The following RCC1 variants were observed in gnomAD, a reference collection of about 807,000 sequenced individuals.
The protein encoded by RCC1 is regulator of chromosome condensation 1, also known as regulator of chromosome condensation.
RCC1 carries 11 observed loss-of-function variants against 44.4 expected under a neutral mutation model. That is an observed-to-expected ratio of 0.25 (90% CI 0.16 to 0.41). The LOEUF (loss-of-function observed/expected upper bound fraction) is 0.41, where lower values mean the gene tolerates loss of function less well. Among genes scored for constraint, RCC1 ranks in the 10% least tolerant of loss-of-function variants. RCC1 has a pLI of 1.00. For missense variants in RCC1, 386 were observed against 547.1 expected, an observed-to-expected ratio of 0.71 and a Z score of 2.94; for synonymous variants, 213 against 216.5, an observed-to-expected ratio of 0.98 and a Z score of 0.14.
intron 4 of RCC1, 142 bp downstream of exon 4, chr1:28,517,009 TATTTGGGAG>T (rs2124619959): frequency 5.2e-6 from 2 of 384,848 alleles, no homozygotes; most frequent in Non-Finnish European, 1.0e-5. Flanking sequence ...TAATCCCAGC[TATTTGGGAG>T]GCTGAGGCAG....
At chr1:28,531,690 C>A in intron 5 of RCC1, 113 bp from the exon 6 acceptor site, 2 of 787,046 alleles carry the variant, frequency 2.5e-6, no homozygotes, top group Non-Finnish European at 3.7e-6. Flanking sequence ...TTCATACTAA[C>A]AGTCTGTGGC....
At chr1:28,527,236 G>A in intron 4 of RCC1, 1 of 755,328 alleles carries the variant, frequency 1.3e-6, no homozygotes, top group South Asian at 1.5e-5. Context: ...GATCTTCAGT[G>A]CATGTGTGTT....
At position 28,536,659 on chromosome 1, in the gene RCC1, C is replaced by T; in HGVS notation, c.938-88C>T. 1 of 1,480,590 alleles carries T rather than the reference C, an allele frequency of 6.8e-7. No homozygotes were observed. The highest frequency in any genetic ancestry group is 2.3e-5 in the East Asian group (1 of 44,034). The allele number at this position is 1,480,590 out of a possible 1,614,324, so 91.7% of individuals were successfully genotyped here. A position where few individuals can be genotyped will look rare whatever the true frequency, so the allele number is the denominator to read the frequency against. Reference sequence around the variant, plus strand: ...CGCTCTGGGAGCAGGGACACACTCCCATGGACAGGTGGACTCACCTAGCCT... The same window carrying T: ...CGCTCTGGGAGCAGGGACACACTCCTATGGACAGGTGGACTCACCTAGCCT... On this transcript the variant is annotated intron_variant, in intron 11 of 12. Coordinates refer to ENST00000683442, the MANE Select transcript of RCC1 (RefSeq NM_001381865.2). This position sits in a 1 kb window ranked among gnomAD's most constrained non-coding sequence, Gnocchi z 4.9.
intron 1 of RCC1, chr1:28,507,767 A>G (rs1011691098): frequency 2.9e-6 from 1 of 340,176 alleles, no homozygotes; most frequent in East Asian, 7.7e-5. Flanking sequence ...CCACCACGCC[A>G]GGCTAATTTT....
Position 28,523,232 on chromosome 1 carries a change from C to T in RCC1, c.-10+6365C>T, listed in dbSNP as rs1190987792. On this transcript the variant is annotated intron_variant, in intron 4 of 12. Transcript: ENST00000683442. ...ATTTTTAGTAGAGACGGGGTTTCAC[C>T]GTGGTCTCGATCTCCTGACCTCATG... 2.6e-5 allele frequency among the ~76,000 whole-genome samples: 4 copies of T among 151,846 alleles called. No individual in the cohort carries two copies. The South Asian group carries it at 8.3e-4, about 32-fold the overall frequency.
At chr1:28,524,930 G>A (rs1362911068) in intron 4 of RCC1, among the ~76,000 whole-genome samples, 2 of 152,134 alleles carry the variant, frequency 1.3e-5, no homozygotes, top group African/African-American at 2.4e-5. Flanking sequence ...AAGCAGTAGT[G>A]TAGCAGGATA....
Position 28,538,067 on chromosome 1 carries a change from A to G in RCC1, c.*60A>G, listed in dbSNP as rs888261353. The G allele has an allele frequency of 7.2e-6, 11 of 1,528,358 alleles. No individual in the cohort carries two copies. Among genetic ancestry groups the G allele is most frequent in the Non-Finnish European group, 9.8e-6 (11 of 1,124,678 alleles). 94.7% of individuals were successfully genotyped at this position (1,528,358 alleles called of 1,614,324 possible). A position where few individuals can be genotyped will look rare whatever the true frequency, so the allele number is the denominator to read the frequency against. Reference sequence around the variant, plus strand: ...AACCTCCCTCACAGAACAGGGAAGCAGTGACAGCTGCAGATGGCAGCGGGC... The same window carrying G: ...AACCTCCCTCACAGAACAGGGAAGCGGTGACAGCTGCAGATGGCAGCGGGC... On this transcript the variant is annotated 3_prime_UTR_variant, in exon 13 of 13. Coordinates refer to ENST00000683442, the MANE Select transcript of RCC1 (RefSeq NM_001381865.2).
In RCC1 at chr1:28,536,883, T is replaced by C; in HGVS notation, c.1074T>C (p.Tyr358=). 6.2e-7 allele frequency: 1 copy of C among 1,613,976 alleles called. No homozygotes were observed. The highest frequency in any genetic ancestry group is 8.5e-7 in the Non-Finnish European group (1 of 1,179,994). ...TGGCTTGTGGGGCCTCTGTGGGGTA[T>C]GCTGTGACCAAGGATGGTGAGTGGG... is the stretch of plus-strand genomic sequence containing the variant. ...SSVACGASVG[Y]AVTKDGRVFA... Residue 358 remains tyrosine (Y), a synonymous_variant, in exon 12 of 13, where the codon TAT becomes TAC. Transcript: ENST00000683442. The surrounding 1 kb of genome is among the most constrained non-coding windows in gnomAD (Gnocchi z 4.9).
rs199555587 is a variant in RCC1 at position 28,508,914 on chromosome 1, A to AT, written c.-153+20dup. ...TATAGAAGGGAGAGTAGGTAAACTG[A>AT]TTTTTTTTTTTAACAGGGAGGGTTT... On this transcript the variant is annotated intron_variant, in intron 3 of 12. Transcript: ENST00000683442. 3,943 of 429,342 alleles carry AT rather than the reference A, an allele frequency of 9.2e-3. 11 individuals carry two copies. The highest frequency in any genetic ancestry group is 0.012 in the Admixed American group (508 of 42,822). 26.6% of individuals were successfully genotyped at this position (429,342 alleles called of 1,614,324 possible).
Position 28,536,651 on chromosome 1 carries a change from C to A in RCC1, c.938-96C>A. 1 of 1,426,132 alleles carries A rather than the reference C, an allele frequency of 7.0e-7. No individual in the cohort carries two copies. The highest frequency in any genetic ancestry group is 9.7e-7 in the Non-Finnish European group (1 of 1,034,724). The allele number at this position is 1,426,132 out of a possible 1,614,324, so 88.3% of individuals were successfully genotyped here. ...CTTCTGATCGCTCTGGGAGCAGGGACACACTCCCATGGACAGGTGGACTCA... is the reference window on the plus strand; with the variant it reads ...CTTCTGATCGCTCTGGGAGCAGGGAAACACTCCCATGGACAGGTGGACTCA... On this transcript the variant is annotated intron_variant, in intron 11 of 12. Coordinates refer to ENST00000683442, the MANE Select transcript of RCC1 (RefSeq NM_001381865.2). This position sits in a 1 kb window ranked among gnomAD's most constrained non-coding sequence, Gnocchi z 4.9.
chr1:28,507,682 C>T (rs1662119084), intron 1 of RCC1: 2 of 377,860 alleles, frequency 5.3e-6, no homozygotes, highest in East Asian at 7.1e-5. Context: ...TTGCCTCTGC[C>T]TCCCGGGTTC....
At position 28,538,886 on chromosome 1, in the gene RCC1, G is replaced by A. The variant is rs1204241663; in HGVS notation, c.*879G>A. On this transcript the variant is annotated 3_prime_UTR_variant, in exon 13 of 13. Transcript: ENST00000683442. ...GATGGAAACAGCAACTTGTACAGTG[G>A]CTGAGAAAATAGGATATAGTTTTGA... The A allele has an allele frequency of 1.3e-5, 2 of 152,222 alleles. No individual in the cohort carries two copies. The highest frequency in any genetic ancestry group is 2.4e-5 in the African/African-American group (1 of 41,450). 9.4% of individuals were successfully genotyped at this position (152,222 alleles called of 1,614,324 possible). A position where few individuals can be genotyped will look rare whatever the true frequency, so the allele number is the denominator to read the frequency against.
At position 28,532,173 on chromosome 1, in the gene RCC1, C is replaced by G. The variant is rs760456345; in HGVS notation, c.264C>G (p.Val88=). The change falls in exon 7 of 13, where the codon GTC becomes GTG. Residue 88 remains valine (V), a splice_region_variant and synonymous_variant. Transcript: ENST00000683442. ...HTVCLSKSGQ[V]YSFGCNDEGA... ...TAATGAGGGCATCCTGGGCACAGGT[C>G]TATTCCTTCGGCTGCAATGATGAGG... 1 of 1,612,714 alleles carries G rather than the reference C, an allele frequency of 6.2e-7. No individual in the cohort carries two copies. The highest frequency in any genetic ancestry group is 8.5e-7 in the Non-Finnish European group (1 of 1,179,366).
intron 7 of RCC1, among the ~76,000 whole-genome samples, chr1:28,532,944 T>C (rs1408116768): frequency 6.6e-6 from 1 of 152,012 alleles, no homozygotes; most frequent in Admixed American, 6.6e-5. Context: ...GCCTCCCAAG[T>C]AGCTGGGATT....
chr1:28,526,622 G>A (rs956400642), intron 4 of RCC1: 5 of 509,912 alleles, frequency 9.8e-6, no homozygotes, highest in East Asian at 6.7e-5. Flanking sequence ...AGGGCTGGGC[G>A]CGGTGGCTCA....
At chr1:28,506,167 C>T (rs1017031446) in intron 1 of RCC1, 83 bp downstream of exon 1, 11 of 448,154 alleles carry the variant, frequency 2.5e-5, no homozygotes, top group East Asian at 7.0e-5. Context: ...AGCCGAGCTT[C>T]CCTAGGAAGA....
At chr1:28,530,329 G>A (rs879790768) in intron 5 of RCC1, among the ~76,000 whole-genome samples, 6 of 152,218 alleles carry the variant, frequency 3.9e-5, no homozygotes, top group Non-Finnish European at 5.9e-5. Flanking sequence ...TAAAATGGCG[G>A]CAGCCAGAGC....
chr1:28,533,504 C>T (rs534783193), intron 7 of RCC1, among the ~76,000 whole-genome samples: 2 of 150,026 alleles, frequency 1.3e-5, no homozygotes, highest in South Asian at 4.2e-4. Flanking sequence ...CGCAGTAGCT[C>T]ATGCTTGTAA....
intron 4 of RCC1, among the ~76,000 whole-genome samples, chr1:28,520,797 G>T (rs1156322150): frequency 2.6e-5 from 4 of 152,170 alleles, no homozygotes; most frequent in Non-Finnish European, 4.4e-5. Flanking sequence ...AGCCAGAGAG[G>T]CCGGGCTCGG....
Sources: gnomAD v4.1 joint callset for allele counts (sites outside exome capture counted in the v4.1 genomes callset) on GRCh38, gnomAD v4.1.1 for gene constraint, Gnocchi (gnomAD v3.1) non-coding constraint, MANE v1.5 for transcripts, NCBI Gene and HGNC (gene_info 2026-07-23, HGNC 2026-07-21) for gene names.